Variants in QTMAN observed in about 807,000 individuals in gnomAD.
QTMAN encodes the protein queuosine-tRNA mannosyltransferase.
chr2:144,309,899 T>C, the QTMAN span, among the ~76,000 whole-genome samples: 1 of 152,238 alleles, frequency 6.6e-6, no homozygotes, highest in Non-Finnish European at 1.5e-5. Context: ...TCTTTTATCA[T>C]TCAATCAATT....
At chr2:144,026,208 T>A in the QTMAN span, among the ~76,000 whole-genome samples, 1 of 151,962 alleles carries the variant, frequency 6.6e-6, no homozygotes, top group East Asian at 1.9e-4. Context: ...CCGAGGCAGG[T>A]GAATCACCTG....
the QTMAN span, among the ~76,000 whole-genome samples, chr2:144,091,030 GAAAC>G: frequency 6.6e-6 from 1 of 151,704 alleles, no homozygotes; most frequent in Non-Finnish European, 1.5e-5. Context: ...AAAGAGTTGA[GAAAC>G]AGACACACAC....
the QTMAN span, chr2:144,011,808 GGAGGTGCTAAT>G: frequency 1.1e-6 from 1 of 902,234 alleles, no homozygotes; most frequent in South Asian, 5.1e-5. Context: ...CAACTCTGGT[GGAGGTGCTAAT>G]GAGAAGAGAA....
At chr2:144,106,586 G>A in the QTMAN span, among the ~76,000 whole-genome samples, 1 of 152,116 alleles carries the variant, frequency 6.6e-6, no homozygotes, top group Non-Finnish European at 1.5e-5. Flanking sequence ...CCCAATACAG[G>A]AGCACCCAGA....
chr2:144,324,914 T>G, the QTMAN span, among the ~76,000 whole-genome samples: 2 of 151,230 alleles, frequency 1.3e-5, no homozygotes, highest in African/African-American at 4.9e-5. Context: ...CTCCACAGAT[T>G]ATACAATAGC....
chr2:144,132,921 TTTCAATTTTCAGTTTACAAATTCAATA>T, the QTMAN span, among the ~76,000 whole-genome samples: 6,870 of 149,988 alleles, frequency 0.046, 534 homozygotes, highest in African/African-American at 0.16. Context: ...GGGGCTGCTA[TTTCAATTTTCAGTTTACAAATTCAATA>T]TTCAATTTTC....
At chr2:144,023,399 T>G in the QTMAN span, among the ~76,000 whole-genome samples, 1 of 152,230 alleles carries the variant, frequency 6.6e-6, no homozygotes, top group Admixed American at 6.5e-5. Flanking sequence ...AGAGTGCCCA[T>G]GCAAACTCAA....
At chr2:144,278,165 C>T in the QTMAN span, among the ~76,000 whole-genome samples, 2 of 152,292 alleles carry the variant, frequency 1.3e-5, no homozygotes, top group South Asian at 2.1e-4. Context: ...CTTAGTAAGA[C>T]AGCTGAAAAG....
At chr2:144,057,076 A>G in the QTMAN span, among the ~76,000 whole-genome samples, 1 of 152,238 alleles carries the variant, frequency 6.6e-6, no homozygotes, top group Non-Finnish European at 1.5e-5. Flanking sequence ...TAATGGCTCT[A>G]AAGTACCCAC....
chr2:144,275,759 T>TCTACA, the QTMAN span, among the ~76,000 whole-genome samples: 8 of 152,194 alleles, frequency 5.3e-5, no homozygotes, highest in African/African-American at 1.7e-4. Flanking sequence ...AATTCACGTA[T>TCTACA]CTACACTAGC....
At chr2:144,145,564 A>G in the QTMAN span, 13 of 1,601,120 alleles carry the variant, frequency 8.1e-6, no homozygotes, top group East Asian at 6.7e-5. Context: ...GATACAATCC[A>G]TACCTACCAT....
At chr2:144,012,215 G>C in the QTMAN span, among the ~76,000 whole-genome samples, 1 of 151,978 alleles carries the variant, frequency 6.6e-6, no homozygotes, top group African/African-American at 2.4e-5. Flanking sequence ...CAAAACCCCA[G>C]TACTATGTTG....
chr2:144,051,399 G>A, the QTMAN span, among the ~76,000 whole-genome samples: 2 of 152,006 alleles, frequency 1.3e-5, no homozygotes, highest in African/African-American at 4.8e-5. Flanking sequence ...AGCCAGGTAT[G>A]GTTGTACGCA....
At chr2:144,308,140 A>C in the QTMAN span, among the ~76,000 whole-genome samples, 1 of 149,582 alleles carries the variant, frequency 6.7e-6, no homozygotes, top group Non-Finnish European at 1.5e-5. Context: ...CCAGGAAAAA[A>C]CCCACACATA....
the QTMAN span, among the ~76,000 whole-genome samples, chr2:144,104,403 C>T: frequency 6.6e-6 from 1 of 152,142 alleles, no homozygotes; most frequent in Non-Finnish European, 1.5e-5. Flanking sequence ...CGGGTCACTC[C>T]CACCCTAACG....
chr2:144,221,522 T>C, the QTMAN span, among the ~76,000 whole-genome samples: 3 of 152,174 alleles, frequency 2.0e-5, no homozygotes, highest in African/African-American at 7.2e-5. Flanking sequence ...CACGCAAACA[T>C]AAATGATCAT....
chr2:144,179,156 TAGAC>T, the QTMAN span, among the ~76,000 whole-genome samples: 2 of 152,266 alleles, frequency 1.3e-5, no homozygotes, highest in East Asian at 1.9e-4. Flanking sequence ...TGAGGTCACT[TAGAC>T]AGCAAGAGTA....
the QTMAN span, among the ~76,000 whole-genome samples, chr2:144,256,971 A>G: frequency 6.6e-6 from 1 of 152,158 alleles, no homozygotes; most frequent in African/African-American, 2.4e-5. Context: ...AACAAAAAGT[A>G]AAGTCTAATA....
At chr2:144,273,208 TAAAA>T in the QTMAN span, among the ~76,000 whole-genome samples, 2 of 143,570 alleles carry the variant, frequency 1.4e-5, no homozygotes, top group Non-Finnish European at 3.1e-5. Flanking sequence ...AACAAAAAGC[TAAAA>T]AAAAAAAGTC....
Sources: gnomAD v4.1 joint callset for allele counts (sites outside exome capture counted in the v4.1 genomes callset) on GRCh38, gnomAD v4.1.1 for gene constraint, MANE v1.5 for transcripts, NCBI Gene and HGNC (gene_info 2026-07-23, HGNC 2026-07-21) for gene names.